The following ACTR3C variants were observed in gnomAD, a reference collection of about 807,000 sequenced individuals.
ACTR3C encodes actin related protein 3C, also known as actin-related protein 3C.
ACTR3C carries 18 observed loss-of-function variants against 26.3 expected under a neutral mutation model. The observed-to-expected ratio is 0.68, with a 90% CI of 0.47 to 1.01. ACTR3C has a LOEUF of 1.01. Among genes scored for constraint, ACTR3C ranks in the 50% least tolerant of loss-of-function variants. ACTR3C has a pLI of 0.00. For synonymous variants in ACTR3C, 55 were observed against 94.5 expected, an observed-to-expected ratio of 0.58 and a Z score of 2.42; for missense variants, 184 against 250.7, an observed-to-expected ratio of 0.73 and a Z score of 1.80.
At chr7:150,307,581 C>T (rs1040330626) in intron 1 of ACTR3C, among the ~76,000 whole-genome samples, 1 of 152,214 alleles carries the variant, frequency 6.6e-6, no homozygotes, top group Non-Finnish European at 1.5e-5. Flanking sequence ...TATAAAGCAA[C>T]CCCTTCCCCA....
chr7:150,158,918 TGCACACACATGTGCGCAGACACACGG>T, the ACTR3C span, among the ~76,000 whole-genome samples: 4 of 145,168 alleles, frequency 2.8e-5, no homozygotes, highest in Non-Finnish European at 6.0e-5. Flanking sequence ...CACACACACG[TGCACACACATGTGCGCAGACACACGG>T]GCACACACAG....
chr7:150,234,740 G>A, the ACTR3C span, among the ~76,000 whole-genome samples: 3 of 152,152 alleles, frequency 2.0e-5, no homozygotes, highest in African/African-American at 2.4e-5. Flanking sequence ...TTGGATACAC[G>A]AATTGTCACT....
the ACTR3C span, among the ~76,000 whole-genome samples, chr7:149,961,454 C>G: frequency 2.4e-4 from 36 of 151,316 alleles, no homozygotes; most frequent in Admixed American, 2.4e-3. Context: ...TGTGGGCTCA[C>G]GGGAAGCATG....
chr7:149,931,367 G>T, the ACTR3C span, among the ~76,000 whole-genome samples: 1 of 152,114 alleles, frequency 6.6e-6, no homozygotes. Context: ...CTCTTATGAT[G>T]CACAGTGCTC....
chr7:150,308,195 G>A (rs940861215), intron 1 of ACTR3C, among the ~76,000 whole-genome samples: 3 of 151,870 alleles, frequency 2.0e-5, no homozygotes, highest in South Asian at 2.1e-4. Context: ...CCCTCTCTTC[G>A]AGTCTCTACC....
chr7:150,073,459 C>T, the ACTR3C span, among the ~76,000 whole-genome samples: 14 of 148,220 alleles, frequency 9.4e-5, no homozygotes, highest in African/African-American at 1.7e-4. Context: ...GTGAGCTAGC[C>T]GTGTGGGATG....
chr7:150,180,845 A>T, the ACTR3C span, among the ~76,000 whole-genome samples: 4 of 149,710 alleles, frequency 2.7e-5, no homozygotes, highest in African/African-American at 1.0e-4. Context: ...TATTTTAATT[A>T]CTAGGGATGT....
the ACTR3C span, among the ~76,000 whole-genome samples, chr7:150,006,479 G>T: frequency 6.7e-6 from 1 of 149,718 alleles, no homozygotes; most frequent in East Asian, 2.0e-4. Flanking sequence ...TTACAGGCAT[G>T]AGCCACCGCA....
chr7:150,088,994 CT>C, the ACTR3C span, among the ~76,000 whole-genome samples: 4 of 152,132 alleles, frequency 2.6e-5, no homozygotes, highest in Non-Finnish European at 5.9e-5. Context: ...GCACCAACCA[CT>C]GCTTCCAAAC....
chr7:149,900,931 G>A, the ACTR3C span, among the ~76,000 whole-genome samples: 2 of 152,078 alleles, frequency 1.3e-5, no homozygotes, highest in Non-Finnish European at 2.9e-5. Context: ...TACTCAGGAG[G>A]CTGAGGCAGG....
intron 1 of ACTR3C, among the ~76,000 whole-genome samples, chr7:150,309,281 C>T (rs895654990): frequency 5.3e-5 from 8 of 152,176 alleles, no homozygotes; most frequent in African/African-American, 1.4e-4. Flanking sequence ...GTTCTTGGCC[C>T]GCTTGGTGGC....
chr7:149,914,215 A>G, the ACTR3C span, among the ~76,000 whole-genome samples: 4 of 151,718 alleles, frequency 2.6e-5, no homozygotes, highest in Admixed American at 6.6e-5. Flanking sequence ...TTGTCTTATT[A>G]TTTAAAACAC....
intron 6 of ACTR3C, among the ~76,000 whole-genome samples, chr7:150,249,306 C>A (rs1040240949): frequency 2.0e-5 from 3 of 152,178 alleles, no homozygotes; most frequent in Admixed American, 1.3e-4. Flanking sequence ...CCTGCCACTT[C>A]TATACCCACA....
At chr7:150,094,534 C>T in the ACTR3C span, among the ~76,000 whole-genome samples, 1 of 150,546 alleles carries the variant, frequency 6.6e-6, no homozygotes, top group Non-Finnish European at 1.5e-5. Flanking sequence ...TCGTATGTGC[C>T]AGTTCCCCGT....
chr7:150,209,248 CAGAGAGAGAGACAGAAACAGAG>C, the ACTR3C span, among the ~76,000 whole-genome samples: 160 of 138,040 alleles, frequency 1.2e-3, 5 homozygotes, highest in Middle Eastern at 3.8e-3. Flanking sequence ...CAGAGAGAGA[CAGAGAGAGAGACAGAAACAGAG>C]AGAGAGAGAG....
the ACTR3C span, among the ~76,000 whole-genome samples, chr7:150,042,339 C>CG: frequency 2.2e-5 from 2 of 91,484 alleles, no homozygotes; most frequent in Admixed American, 9.7e-5. Flanking sequence ...CCCTGCCTCG[C>CG]GGGGGGTGCC....
chr7:150,215,288 T>C, the ACTR3C span, among the ~76,000 whole-genome samples: 11 of 152,190 alleles, frequency 7.2e-5, no homozygotes, highest in African/African-American at 2.4e-4. Flanking sequence ...ATCAGCTTTT[T>C]CACAGCATGA....
At chr7:150,055,050 T>C in the ACTR3C span, among the ~76,000 whole-genome samples, 5 of 152,240 alleles carry the variant, frequency 3.3e-5, no homozygotes, top group East Asian at 9.6e-4. Flanking sequence ...ACCACTAGCT[T>C]GCAAATGTGT....
At chr7:149,945,132 T>C in the ACTR3C span, among the ~76,000 whole-genome samples, 1 of 151,212 alleles carries the variant, frequency 6.6e-6, no homozygotes, top group Non-Finnish European at 1.5e-5. Flanking sequence ...TTGGGGAGCA[T>C]GATGTTAATA....
Sources: allele counts gnomAD v4.1 joint callset (sites outside exome capture counted in the v4.1 genomes callset), GRCh38; gene constraint gnomAD v4.1.1; transcripts MANE v1.5; gene names NCBI Gene and HGNC (gene_info 2026-07-23, HGNC 2026-07-21).